Variants in PSAP observed in about 807,000 individuals in gnomAD.
The protein encoded by PSAP is prosaposin, also known as precursor of saposins.
PSAP carries 25 observed loss-of-function variants against 66.0 expected under a neutral mutation model. The ratio of observed to expected loss-of-function variants is 0.38; its 90% CI spans 0.28 to 0.53. PSAP has a LOEUF of 0.53. Ranked by LOEUF, PSAP falls within the 20% of genes least tolerant of loss-of-function variation. The pLI is 0.83. For missense variants in PSAP, 649 were observed against 668.8 expected (o/e 0.97, Z 0.33); for synonymous variants, 273 against 258.9 (o/e 1.05, Z -0.52).
rs191481783 is a variant in PSAP, at chr10:71,849,843, C to A, written c.40+1339G>T. Among the ~76,000 whole-genome samples, 135 of 152,188 alleles carry A rather than the reference C, an allele frequency of 8.9e-4. 2 individuals carry two copies. Among genetic ancestry groups the A allele is most frequent in the African/African-American group, 3.0e-3 (126 of 41,510 alleles). The stretch of plus-strand genomic sequence containing the variant: ...TTCAAAGCAAGTGAAATGAGGACCC[C>A]ATGGCAAAATAACTGGACCAGAAAA... On this transcript the variant is annotated intron_variant, in intron 1 of 13. Coordinates refer to ENST00000394936, the MANE Select transcript of PSAP (RefSeq NM_002778.4).
At position 71,831,116 on chromosome 10, in the gene PSAP, C is replaced by T. The variant is rs1842503282; in HGVS notation, c.375+10G>A. On this transcript the variant is annotated intron_variant, in intron 4 of 13. Transcript: ENST00000394936. Reference sequence around the variant, plus strand: ...CACCTTCAAGGAAAAGCCTATTCCCCATCACTTACCATTTCTCCTTTAATG... The same window carrying T: ...CACCTTCAAGGAAAAGCCTATTCCCTATCACTTACCATTTCTCCTTTAATG... The T allele has an allele frequency of 6.2e-7, 1 of 1,613,930 alleles. No homozygotes were observed. Among genetic ancestry groups the T allele is most frequent in the Non-Finnish European group, 8.5e-7 (1 of 1,179,880 alleles).
intron 1 of PSAP, among the ~76,000 whole-genome samples, chr10:71,840,356 G>A (rs1306858841): frequency 1.3e-5 from 2 of 152,178 alleles, no homozygotes; most frequent in Non-Finnish European, 1.5e-5. Flanking sequence ...TTCTACCGCA[G>A]GGCATTTCTC....
At chr10:71,831,994 G>T in intron 2 of PSAP, 74 bp from the exon 3 acceptor site, 1 of 1,404,630 alleles carries the variant, frequency 7.1e-7, no homozygotes, top group Non-Finnish European at 1.0e-6. Context: ...AACTCCCCAT[G>T]GCCTTTTCGC....
chr10:71,849,379 T>C (rs1300491744), intron 1 of PSAP, among the ~76,000 whole-genome samples: 2 of 152,172 alleles, frequency 1.3e-5, no homozygotes, highest in African/African-American at 2.4e-5. Context: ...TTATTAAAAT[T>C]TGGGTAGCTA....
chr10:71,830,916 G>T (rs968562808), intron 4 of PSAP, among the ~76,000 whole-genome samples: 2 of 152,210 alleles, frequency 1.3e-5, no homozygotes, highest in African/African-American at 4.8e-5. Flanking sequence ...GTCCCCAGCA[G>T]CCGCACCCTC....
At chr10:71,841,394 T>C (rs1209045722) in intron 1 of PSAP, among the ~76,000 whole-genome samples, 4 of 152,254 alleles carry the variant, frequency 2.6e-5, no homozygotes, top group Non-Finnish European at 5.9e-5. Context: ...GTGAGTCTAC[T>C]ATAAATGTCA....
Position 71,817,368 on chromosome 10 carries a change from G to A in PSAP, c.*73C>T, listed in dbSNP as rs541692197. 1.4e-5 allele frequency: 21 copies of A among 1,487,082 alleles called. No individual in the cohort carries two copies. The highest frequency in any genetic ancestry group is 1.7e-4 in the Middle Eastern group (1 of 5,830). 92.1% of individuals were successfully genotyped at this position (1,487,082 alleles called of 1,614,324 possible). ...ATAACAAAGTCAAACAGATCTGTGC[G>A]TTCATTCCCCCAGACACACAAGTAG... On this transcript the variant is annotated 3_prime_UTR_variant, in exon 14 of 14. Transcript: ENST00000394936.
intron 6 of PSAP, among the ~76,000 whole-genome samples, chr10:71,826,457 A>G (rs960585613): frequency 1.5e-4 from 23 of 152,360 alleles, no homozygotes; most frequent in African/African-American, 5.0e-4. Flanking sequence ...AGCCTCTCAG[A>G]GAGGGTTCAA....
intron 1 of PSAP, among the ~76,000 whole-genome samples, chr10:71,850,365 G>GT (rs1842905215): frequency 6.6e-6 from 1 of 152,084 alleles, no homozygotes; most frequent in South Asian, 2.1e-4. Context: ...TTGATTCTAG[G>GT]TTTTCAGATA....
intron 2 of PSAP, 108 bp downstream of exon 2, chr10:71,834,264 A>G (rs1032605805): frequency 1.5e-5 from 24 of 1,567,296 alleles, no homozygotes; most frequent in Non-Finnish European, 2.1e-5. Flanking sequence ...AGAAGTAAAC[A>G]AAACAAGGCA....
chr10:71,826,904 T>C (rs777899572), intron 6 of PSAP, among the ~76,000 whole-genome samples: 6 of 152,196 alleles, frequency 3.9e-5, no homozygotes, highest in African/African-American at 9.7e-5. Flanking sequence ...ATTTTGGTTT[T>C]ACACATCCAC....
chr10:71,835,712 A>T (rs16913438), intron 1 of PSAP, among the ~76,000 whole-genome samples: 1 of 151,918 alleles, frequency 6.6e-6, no homozygotes, highest in African/African-American at 2.4e-5. Context: ...AAGAGATTAC[A>T]TCGGACTACA....
chr10:71,845,383 G>A (rs10823852), intron 1 of PSAP, among the ~76,000 whole-genome samples: 17,077 of 152,134 alleles, frequency 0.11, 1,095 homozygotes, highest in East Asian at 0.26. Context: ...TGGGTGTTGC[G>A]TACACATGTT....
At chr10:71,832,088 C>T (rs896226711) in intron 2 of PSAP, among the ~76,000 whole-genome samples, 168 bp from the exon 3 acceptor site, 6 of 152,086 alleles carry the variant, frequency 3.9e-5, no homozygotes, top group Non-Finnish European at 7.4e-5. Flanking sequence ...CGCTGGGGCA[C>T]GGCAGGGAGG....
intron 7 of PSAP, among the ~76,000 whole-genome samples, chr10:71,823,462 G>A (rs941003565): frequency 2.0e-5 from 3 of 152,228 alleles, no homozygotes; most frequent in African/African-American, 7.2e-5. Context: ...CTAAAGACAT[G>A]CAATGCCTAC....
At chr10:71,817,601 C>T in intron 13 of PSAP, 125 bp from the exon 14 acceptor site, 1 of 917,970 alleles carries the variant, frequency 1.1e-6, no homozygotes, top group Non-Finnish European at 1.8e-6. Flanking sequence ...TGGATGGCAC[C>T]AGATGCTGAA....
At chr10:71,828,808 C>G (rs950745634) in intron 5 of PSAP, 69 bp downstream of exon 5, 113 of 1,564,244 alleles carry the variant, frequency 7.2e-5, no homozygotes, top group Non-Finnish European at 9.4e-5. Flanking sequence ...CGTGCCCTCT[C>G]TGTCCCTTTG....
At chr10:71,822,196 ATG>A (rs1842315765) in intron 7 of PSAP, 189 bp from the exon 8 acceptor site, 1 of 714,518 alleles carries the variant, frequency 1.4e-6, no homozygotes, top group Non-Finnish European at 2.4e-6. Context: ...AGCAGTGCAT[ATG>A]TGCCAGTTAC....
Position 71,819,088 on chromosome 10 carries a change from G to A in PSAP, c.1374C>T (p.Tyr458=), listed in dbSNP as rs146925179. The A allele has an allele frequency of 3.2e-4, 520 of 1,614,088 alleles. No individual in the cohort carries two copies. Among genetic ancestry groups the A allele is most frequent in the Middle Eastern group, 8.2e-4 (5 of 6,062 alleles). ...QKQCDQFVAE[Y]EPVLIEILVE... The stretch of plus-strand genomic sequence containing the variant: ...CCAGGATCTCGATCAGCACGGGCTC[G>A]TACTCTGCCACAAACTGATCACACT... Residue 458 remains tyrosine, a synonymous_variant, in exon 12 of 14, where the codon TAC becomes TAT. Coordinates refer to ENST00000394936, the MANE Select transcript of PSAP (RefSeq NM_002778.4).
Sources: allele counts gnomAD v4.1 joint callset (sites outside exome capture counted in the v4.1 genomes callset), GRCh38; gene constraint gnomAD v4.1.1; transcripts MANE v1.5; gene names NCBI Gene and HGNC (gene_info 2026-07-23, HGNC 2026-07-21).